Variants in PPM1B observed in about 807,000 individuals in gnomAD.
PPM1B encodes the protein protein phosphatase 1B.
Under a neutral mutation model 43.0 loss-of-function variants are expected in PPM1B, and 22 were observed. The observed-to-expected ratio is 0.51, with a 90% CI of 0.37 to 0.73. The LOEUF (loss-of-function observed/expected upper bound fraction) is 0.73. PPM1B is among the 30% of genes least tolerant of loss of function. PPM1B has a pLI of 0.00. For synonymous variants in PPM1B, 217 were observed against 197.9 expected, an observed-to-expected ratio of 1.10 and a Z score of -0.81; for missense variants, 632 against 584.2, an observed-to-expected ratio of 1.08 and a Z score of -0.84.
intron 1 of PPM1B, among the ~76,000 whole-genome samples, chr2:44,199,687 C>T (rs893924807): frequency 3.3e-5 from 5 of 152,210 alleles, no homozygotes; most frequent in South Asian, 4.2e-4. Flanking sequence ...TGTTACATTG[C>T]TCTCAGTACA....
chr2:44,212,462 A>G (rs1669516594), intron 3 of PPM1B, among the ~76,000 whole-genome samples: 1 of 151,838 alleles, frequency 6.6e-6, no homozygotes, highest in South Asian at 2.1e-4. Context: ...TGTGGCCACT[A>G]TTTCCCCCTC....
chr2:44,189,161 C>G (rs1391289842), intron 1 of PPM1B, among the ~76,000 whole-genome samples: 2 of 151,882 alleles, frequency 1.3e-5, no homozygotes, highest in African/African-American at 4.8e-5. Flanking sequence ...TGTGAGCCAC[C>G]ATGCCCAGCC....
intron 5 of PPM1B, among the ~76,000 whole-genome samples, chr2:44,243,549 T>TA (rs1346220798): frequency 6.6e-6 from 1 of 152,196 alleles, no homozygotes; most frequent in African/African-American, 2.4e-5. Flanking sequence ...ATTTCTGAGG[T>TA]AAAAATCTAA....
chr2:44,246,223 G>T (rs569538168), downstream of PPM1B, among the ~76,000 whole-genome samples: 6 of 152,006 alleles, frequency 3.9e-5, no homozygotes, highest in Non-Finnish European at 8.8e-5. Context: ...ATACTTTTCT[G>T]TTCTTCTATT....
At chr2:44,216,215 T>C (rs968353565) in intron 3 of PPM1B, among the ~76,000 whole-genome samples, 5 of 152,162 alleles carry the variant, frequency 3.3e-5, no homozygotes, top group African/African-American at 1.2e-4. Context: ...TAATGCATGG[T>C]AGTGGTAAAT....
intron 1 of PPM1B, among the ~76,000 whole-genome samples, chr2:44,199,585 C>G (rs1243635461): frequency 1.3e-5 from 2 of 152,102 alleles, no homozygotes; most frequent in Admixed American, 1.3e-4. Flanking sequence ...CCTATACAAG[C>G]AAGCATATAA....
intron 3 of PPM1B, 119 bp downstream of exon 3, chr2:44,209,446 T>G: frequency 9.3e-7 from 1 of 1,079,336 alleles, no homozygotes; most frequent in South Asian, 1.7e-5. Flanking sequence ...AAAAAAAAAT[T>G]TAGAGAGGGA....
intron 1 of PPM1B, among the ~76,000 whole-genome samples, chr2:44,194,762 A>G (rs1020602717): frequency 2.0e-5 from 3 of 152,148 alleles, no homozygotes; most frequent in African/African-American, 7.2e-5. Flanking sequence ...GCATATCAGC[A>G]TTCATTATGC....
chr2:44,211,952 T>G (rs1558417778), intron 3 of PPM1B, among the ~76,000 whole-genome samples: 1 of 152,158 alleles, frequency 6.6e-6, no homozygotes, highest in Non-Finnish European at 1.5e-5. Context: ...TTTCTCCATG[T>G]TGGTCAGGCT....
At chr2:44,177,938 A>G (rs1458908703) in intron 1 of PPM1B, among the ~76,000 whole-genome samples, 1 of 141,672 alleles carries the variant, frequency 7.1e-6, no homozygotes, top group Non-Finnish European at 1.5e-5. Context: ...TTTTTTTAAT[A>G]AGACAGTCCG....
At chr2:44,177,765 T>C (rs1667653518) in intron 1 of PPM1B, among the ~76,000 whole-genome samples, 1 of 151,984 alleles carries the variant, frequency 6.6e-6, no homozygotes, top group Non-Finnish European at 1.5e-5. Context: ...TTAAGAGGTG[T>C]ATGTACATGA....
rs562418729 is a variant in PPM1B at position 44,210,563 on chromosome 2, A to T, written c.964+1236A>T. ...AGAAAAGTTGCAGAAGTATTACAGG[A>T]TCTCCCATGTACATGTAGTGTCCTT... On this transcript the variant is annotated intron_variant, in intron 3 of 5. Transcript: ENST00000282412. Among the ~76,000 whole-genome samples the T allele has an allele frequency of 2.0e-5, 3 of 152,200 alleles. No individual in the cohort carries two copies. In the East Asian group the frequency reaches 5.8e-4, roughly 29 times the overall value.
At chr2:44,220,963 G>A (rs1432443420) in intron 5 of PPM1B, among the ~76,000 whole-genome samples, 2 of 152,198 alleles carry the variant, frequency 1.3e-5, no homozygotes, top group Admixed American at 6.5e-5. Flanking sequence ...CTGTTGTGGT[G>A]AAAAATAAGA....
downstream of PPM1B, chr2:44,233,122 ATGTAAAT>A: frequency 1.0e-6 from 1 of 979,102 alleles, no homozygotes; most frequent in Non-Finnish European, 1.2e-6. Flanking sequence ...TGCCTTTATA[ATGTAAAT>A]TGTGATTTTT....
At chr2:44,177,672 C>T (rs770644354) in intron 1 of PPM1B, among the ~76,000 whole-genome samples, 2 of 151,882 alleles carry the variant, frequency 1.3e-5, no homozygotes, top group African/African-American at 2.4e-5. Flanking sequence ...CCCGCCTCGG[C>T]CTCCCAAAGT....
At chr2:44,183,399 GCA>G (rs1667973773) in intron 1 of PPM1B, among the ~76,000 whole-genome samples, 1 of 152,206 alleles carries the variant, frequency 6.6e-6, no homozygotes, top group South Asian at 2.1e-4. Context: ...ACAAATATCT[GCA>G]CAGAGTAGGA....
chr2:44,193,182 C>A (rs1668488750), intron 1 of PPM1B, among the ~76,000 whole-genome samples: 1 of 152,148 alleles, frequency 6.6e-6, no homozygotes, highest in Admixed American at 6.5e-5. Flanking sequence ...ACATAACCAC[C>A]ATCAGTGTAC....
At position 44,201,251 on chromosome 2, in the gene PPM1B, G is replaced by A. The variant is rs144534508; in HGVS notation, c.52G>A (p.Ala18Thr). The A allele has an allele frequency of 2.3e-4, 369 of 1,613,054 alleles. 1 individual carries two copies. In the African/African-American group the frequency reaches 3.9e-3, roughly 17 times the overall value. The change falls in exon 2 of 6, where the codon GCT becomes ACT. Residue 18 changes from alanine (A) to threonine (T), a missense_variant. Physicochemically the swap from Ala to Thr is moderately conservative, Grantham distance 58. Transcript: ENST00000282412. This position sits in a 1 kb window ranked among gnomAD's most constrained non-coding sequence, Gnocchi z 5.4. Reference protein sequence around the residue: ...PKTEKHNAHGAGNGLRYGLSS... With the variant: ...PKTEKHNAHGTGNGLRYGLSS... The stretch of plus-strand genomic sequence containing the variant: ...AACTGAAAAACATAATGCTCATGGT[G>A]CTGGGAATGGTTTACGTTATGGCCT...
intron 3 of PPM1B, among the ~76,000 whole-genome samples, chr2:44,214,910 G>T (rs1353390652): frequency 6.6e-6 from 1 of 152,172 alleles, no homozygotes; most frequent in Non-Finnish European, 1.5e-5. Context: ...TGCCTAGCAC[G>T]TAAGTCCTCA....
Sources: allele counts gnomAD v4.1 joint callset (sites outside exome capture counted in the v4.1 genomes callset), GRCh38; gene constraint gnomAD v4.1.1; non-coding constraint Gnocchi (gnomAD v3.1); transcripts MANE v1.5; gene names NCBI Gene and HGNC (gene_info 2026-07-23, HGNC 2026-07-21).